KHDRBS2: variants seen among roughly 807,000 people sequenced by gnomAD.
The protein encoded by KHDRBS2 is KH RNA binding domain containing, signal transduction associated 2.
In KHDRBS2, 26 loss-of-function variants were observed where a neutral mutation model predicts 44.3. The observed-to-expected ratio is 0.59, with a 90% CI of 0.43 to 0.81. The LOEUF (loss-of-function observed/expected upper bound fraction) is 0.81. Among genes scored for constraint, KHDRBS2 ranks in the 40% least tolerant of loss-of-function variants. The probability of loss-of-function intolerance (pLI) is 0.00; values close to 1 mark genes in which losing one functional copy is unlikely to be tolerated. For synonymous variants in KHDRBS2, 194 were observed against 151.1 expected (o/e 1.28, Z -2.08); for missense variants, 476 against 433.1 (o/e 1.10, Z -0.88).
chr6:61,730,228 T>C (rs1774223589), intron 7 of KHDRBS2, among the ~76,000 whole-genome samples: 1 of 152,182 alleles, frequency 6.6e-6, no homozygotes. Context: ...TATTGTAATA[T>C]AGACATTGGT....
chr6:61,716,629 G>T (rs1212080652), intron 7 of KHDRBS2, among the ~76,000 whole-genome samples: 2 of 151,902 alleles, frequency 1.3e-5, no homozygotes, highest in African/African-American at 4.8e-5. Flanking sequence ...TTTAGATAGG[G>T]CACATACATT....
chr6:61,706,963 A>G (rs550195186), intron 7 of KHDRBS2, among the ~76,000 whole-genome samples: 1 of 151,636 alleles, frequency 6.6e-6, no homozygotes, highest in Non-Finnish European at 1.5e-5. Context: ...CAAAAACAAA[A>G]CAGTTATAAG....
chr6:62,171,994 T>C (rs763485754), intron 2 of KHDRBS2, among the ~76,000 whole-genome samples: 6 of 152,094 alleles, frequency 3.9e-5, no homozygotes, highest in African/African-American at 9.7e-5. Flanking sequence ...ACATAGACCA[T>C]TTACACTATC....
rs557667019 is a variant in KHDRBS2, at chr6:62,238,071, A to T, written c.91+47787T>A. On this transcript the variant is annotated intron_variant, in intron 1 of 8. Transcript: ENST00000281156. ...CTGTCTCAAAAAAAAAAAAAAAAAA[A>T]TTGATATAGTTTCTTGGTAAAAGCA... Among the ~76,000 whole-genome samples, 751 of 145,520 alleles carry T rather than the reference A, an allele frequency of 5.2e-3. 4 individuals are homozygous for T. The highest frequency in any genetic ancestry group is 8.8e-3 in the Non-Finnish European group (577 of 65,424).
chr6:62,122,967 G>A (rs1391161071), intron 2 of KHDRBS2, among the ~76,000 whole-genome samples: 1 of 151,834 alleles, frequency 6.6e-6, no homozygotes, highest in African/African-American at 2.4e-5. Context: ...TTGTTACATA[G>A]GTATACGTGT....
intron 3 of KHDRBS2, among the ~76,000 whole-genome samples, chr6:62,041,711 G>T (rs918713039): frequency 6.6e-6 from 1 of 152,012 alleles, no homozygotes; most frequent in African/African-American, 2.4e-5. Flanking sequence ...CAAGGAGCAG[G>T]TCTTAATTAC....
chr6:61,667,644 T>C, the KHDRBS2 span, among the ~76,000 whole-genome samples: 456 of 151,274 alleles, frequency 3.0e-3, 4 homozygotes, highest in African/African-American at 0.011. Context: ...GATACTGCAG[T>C]TGATGTCATT....
intron 6 of KHDRBS2, among the ~76,000 whole-genome samples, chr6:61,827,094 C>T (rs537795876): frequency 9.9e-5 from 15 of 152,266 alleles, no homozygotes; most frequent in African/African-American, 3.4e-4. Context: ...GAAGTATATA[C>T]ATTTTGGGGT....
At chr6:61,952,336 C>A (rs1045052058) in intron 4 of KHDRBS2, among the ~76,000 whole-genome samples, 18 of 152,040 alleles carry the variant, frequency 1.2e-4, no homozygotes, top group African/African-American at 4.3e-4. Flanking sequence ...CAATGCACCA[C>A]TGACACATTG....
At chr6:62,103,028 G>T (rs1380268141) in intron 2 of KHDRBS2, among the ~76,000 whole-genome samples, 1 of 152,118 alleles carries the variant, frequency 6.6e-6, no homozygotes, top group Non-Finnish European at 1.5e-5. Context: ...CTGAGTCTGG[G>T]GTTTTTATGA....
chr6:61,598,788 G>C, the KHDRBS2 span, among the ~76,000 whole-genome samples: 54 of 146,780 alleles, frequency 3.7e-4, 1 homozygote, highest in Non-Finnish European at 3.3e-4. Context: ...AGCAGTGACA[G>C]CCAAATTCTA....
At chr6:62,221,316 T>C (rs1305794667) in intron 1 of KHDRBS2, among the ~76,000 whole-genome samples, 2 of 151,862 alleles carry the variant, frequency 1.3e-5, no homozygotes, top group African/African-American at 4.8e-5. Flanking sequence ...AGGTAGAGGG[T>C]ATGGGGAGAT....
chr6:61,564,612 A>C, the KHDRBS2 span, among the ~76,000 whole-genome samples: 1 of 152,098 alleles, frequency 6.6e-6, no homozygotes, highest in Non-Finnish European at 1.5e-5. Context: ...GAGAATGAAA[A>C]AACAGAACTA....
At chr6:61,937,576 A>G (rs983849637) in intron 4 of KHDRBS2, among the ~76,000 whole-genome samples, 2 of 152,062 alleles carry the variant, frequency 1.3e-5, no homozygotes, top group African/African-American at 2.4e-5. Context: ...CTATATGAGT[A>G]TCGGGCAGGA....
chr6:61,840,689 C>A (rs1396371364), intron 6 of KHDRBS2, among the ~76,000 whole-genome samples: 1 of 152,132 alleles, frequency 6.6e-6, no homozygotes, highest in Non-Finnish European at 1.5e-5. Context: ...GCTGGCATAA[C>A]TGGTGACTTC....
At chr6:61,771,708 A>G (rs1360037364) in intron 6 of KHDRBS2, among the ~76,000 whole-genome samples, 1 of 152,234 alleles carries the variant, frequency 6.6e-6, no homozygotes, top group Non-Finnish European at 1.5e-5. Flanking sequence ...TGACCTACAA[A>G]GAGACTTAGA....
chr6:61,802,333 T>C (rs1287477054), intron 6 of KHDRBS2, among the ~76,000 whole-genome samples: 1 of 152,158 alleles, frequency 6.6e-6, no homozygotes, highest in East Asian at 1.9e-4. Flanking sequence ...TGTGGTAATT[T>C]GGCATGCAAC....
intron 3 of KHDRBS2, among the ~76,000 whole-genome samples, chr6:62,026,133 T>C (rs1783261736): frequency 6.6e-6 from 1 of 151,916 alleles, no homozygotes; most frequent in Non-Finnish European, 1.5e-5. Flanking sequence ...ACTTCTATTA[T>C]GATGAGGTAT....
At chr6:62,062,960 C>T (rs2127329799) in intron 2 of KHDRBS2, among the ~76,000 whole-genome samples, 1 of 150,730 alleles carries the variant, frequency 6.6e-6, no homozygotes, top group South Asian at 2.1e-4. Context: ...ACCACCGATC[C>T]CACAGAAATA....
Sources: gnomAD v4.1 joint callset for allele counts (sites outside exome capture counted in the v4.1 genomes callset) on GRCh38, gnomAD v4.1.1 for gene constraint, MANE v1.5 for transcripts, NCBI Gene and HGNC (gene_info 2026-07-23, HGNC 2026-07-21) for gene names.